SNTB2: variants seen among roughly 807,000 people sequenced by gnomAD.
The protein encoded by SNTB2 is syntrophin beta 2, also known as beta-2-syntrophin.
A neutral mutation model predicts 46.2 loss-of-function variants in SNTB2; 34 were observed. That is an observed-to-expected ratio of 0.74 (90% CI 0.56 to 0.98). SNTB2 has a LOEUF of 0.98. SNTB2 is among the 50% of genes least tolerant of loss of function. The pLI, the probability that SNTB2 is intolerant of heterozygous loss-of-function variation, is 0.00. For synonymous variants in SNTB2, 290 were observed against 312.6 expected, an observed-to-expected ratio of 0.93 and a Z score of 0.76; for missense variants, 603 against 731.4, an observed-to-expected ratio of 0.82 and a Z score of 2.02.
intron 1 of SNTB2, among the ~76,000 whole-genome samples, chr16:69,205,225 C>G (rs1425944988): frequency 2.0e-5 from 3 of 150,668 alleles, no homozygotes; most frequent in Non-Finnish European, 2.9e-5. Flanking sequence ...TCTCAGCTTA[C>G]TGCAACCACC....
chr16:69,203,608 G>A, intron 1 of SNTB2, among the ~76,000 whole-genome samples: 1 of 151,960 alleles, frequency 6.6e-6, no homozygotes, highest in Admixed American at 6.6e-5. Flanking sequence ...CCAAAGTGCT[G>A]GGATTACAGA....
At chr16:69,267,331 C>T (rs1416920467) in intron 3 of SNTB2, among the ~76,000 whole-genome samples, 1 of 152,168 alleles carries the variant, frequency 6.6e-6, no homozygotes, top group Non-Finnish European at 1.5e-5. Context: ...ATCAGTTTAT[C>T]ATTTTAACCC....
At chr16:69,214,566 G>A (rs971142824) in intron 1 of SNTB2, among the ~76,000 whole-genome samples, 6 of 151,718 alleles carry the variant, frequency 4.0e-5, no homozygotes, top group South Asian at 2.1e-4. Context: ...TCGCTCTGTC[G>A]CCCAGGCTGG....
In SNTB2 at chr16:69,302,732, G is replaced by A. The variant is rs1385428430; in HGVS notation, c.*1808G>A. ...GGGAGAGATGCCTGTTCTTCCCCCAGCTTCATATAATTGTCAAAGTTCCAA... is the reference window on the plus strand; with the variant it reads ...GGGAGAGATGCCTGTTCTTCCCCCAACTTCATATAATTGTCAAAGTTCCAA... On this transcript the variant is annotated 3_prime_UTR_variant, in exon 7 of 7. Transcript: ENST00000336278. The A allele has an allele frequency of 3.9e-5, 6 of 152,144 alleles. No homozygotes were observed. The highest frequency in any genetic ancestry group is 6.5e-5 in the Admixed American group (1 of 15,280). 9.4% of individuals were successfully genotyped at this position (152,144 alleles called of 1,614,324 possible). A position where few individuals can be genotyped will look rare whatever the true frequency, so the allele number is the denominator to read the frequency against.
At chr16:69,197,459 G>C (rs920684969) in intron 1 of SNTB2, among the ~76,000 whole-genome samples, 3 of 152,136 alleles carry the variant, frequency 2.0e-5, no homozygotes. Context: ...TTTAAAAATA[G>C]TTTAAATATT....
chr16:69,263,385 C>T (rs895551985), intron 3 of SNTB2, among the ~76,000 whole-genome samples: 1 of 151,768 alleles, frequency 6.6e-6, no homozygotes, highest in African/African-American at 2.4e-5. Context: ...GCTGGGATTA[C>T]AGGCATGAGC....
intron 5 of SNTB2, among the ~76,000 whole-genome samples, chr16:69,294,818 A>AT (rs779924377): frequency 0.019 from 2,655 of 140,024 alleles, 79 homozygotes; most frequent in African/African-American, 0.06. Context: ...GTAGTTTTTG[A>AT]TTTTTTTTTT....
intron 1 of SNTB2, among the ~76,000 whole-genome samples, chr16:69,232,585 C>T (rs1235561786): frequency 1.0e-4 from 14 of 137,740 alleles, no homozygotes; most frequent in South Asian, 4.8e-4. Flanking sequence ...CATCTTGGCT[C>T]GTTGCAACCT....
At chr16:69,292,717 T>C (rs1965185639) in intron 5 of SNTB2, among the ~76,000 whole-genome samples, 1 of 150,792 alleles carries the variant, frequency 6.6e-6, no homozygotes, top group African/African-American at 2.4e-5. Context: ...CCTCCCAAAG[T>C]GCTGGGATTA....
At chr16:69,295,858 C>T (rs1965218212) in intron 5 of SNTB2, among the ~76,000 whole-genome samples, 1 of 152,160 alleles carries the variant, frequency 6.6e-6, no homozygotes, top group Non-Finnish European at 1.5e-5. Context: ...GGCACTTAAT[C>T]ATCATTGCAT....
chr16:69,221,857 T>C (rs1964408508), intron 1 of SNTB2, among the ~76,000 whole-genome samples: 1 of 152,208 alleles, frequency 6.6e-6, no homozygotes, highest in African/African-American at 2.4e-5. Flanking sequence ...ATTCAGATCT[T>C]GGTTAATACC....
At chr16:69,226,153 C>A (rs1054208475) in intron 1 of SNTB2, among the ~76,000 whole-genome samples, 1 of 152,092 alleles carries the variant, frequency 6.6e-6, no homozygotes, top group Non-Finnish European at 1.5e-5. Flanking sequence ...CTCACTGCAA[C>A]CTCTGCTTCC....
rs199841622 is a variant in SNTB2 at position 69,284,167 on chromosome 16, G to A, written c.1268G>A (p.Arg423Gln). The A allele has an allele frequency of 5.5e-5, 88 of 1,613,992 alleles. No homozygotes were observed. The highest frequency in any genetic ancestry group is 1.6e-4 in the Middle Eastern group (1 of 6,062). The change falls in exon 5 of 7, where the codon CGG becomes CAG. Residue 423 changes from arginine to glutamine, a missense_variant. Arg to Gln is a conservative substitution (Grantham distance 43). Transcript: ENST00000336278. ...EMHLFRVETH[R>Q]DLSSWTRILV... ...CATCTCTTCAGGGTGGAGACACATC[G>A]GGATCTGTCATCCTGGACCAGGATA...
At chr16:69,192,356 C>T (rs562514340) in intron 1 of SNTB2, among the ~76,000 whole-genome samples, 1 of 152,162 alleles carries the variant, frequency 6.6e-6, no homozygotes, top group Non-Finnish European at 1.5e-5. Flanking sequence ...ACTGCCTGTG[C>T]ATCCAAAAAT....
intron 1 of SNTB2, among the ~76,000 whole-genome samples, chr16:69,212,991 C>T (rs1382663577): frequency 2.6e-5 from 4 of 152,158 alleles, no homozygotes; most frequent in African/African-American, 4.8e-5. Flanking sequence ...GCTTAATATA[C>T]TGAGTCATAA....
rs1323235305 is a variant in SNTB2 at position 69,273,626 on chromosome 16, T to C, written c.1148+3341T>C. Reference sequence around the variant, plus strand: ...ATGATGACAGTCTGCTAAAATTGAATGTGGTGATGGTTGCAAAATTCTGAA... The same window carrying C: ...ATGATGACAGTCTGCTAAAATTGAACGTGGTGATGGTTGCAAAATTCTGAA... On this transcript the variant is annotated intron_variant, in intron 4 of 6. Transcript: ENST00000336278. Among the ~76,000 whole-genome samples the C allele has an allele frequency of 2.6e-5, 4 of 152,158 alleles. No homozygotes were observed. The East Asian group carries it at 7.7e-4, about 29-fold the overall frequency.
At chr16:69,295,839 G>A (rs781150526) in intron 5 of SNTB2, among the ~76,000 whole-genome samples, 1 of 152,114 alleles carries the variant, frequency 6.6e-6, no homozygotes, top group Non-Finnish European at 1.5e-5. Context: ...AAAAGGGTAA[G>A]GGGTGTCAGG....
At chr16:69,287,223 C>T (rs954885318) in intron 5 of SNTB2, among the ~76,000 whole-genome samples, 13 of 150,786 alleles carry the variant, frequency 8.6e-5, no homozygotes, top group African/African-American at 2.9e-4. Context: ...AAATTTTTTT[C>T]TTTTTTTTTA....
rs1193788342 is a variant in SNTB2, at chr16:69,187,285, T to A, written c.119T>A (p.Val40Glu). The change falls in exon 1 of 7, where the codon GTG (valine) becomes GAG (glutamate). Residue 40 changes from valine (V) to glutamate (E), a missense_variant. Physicochemically the swap from Val to Glu is moderately radical, Grantham distance 121. This residue lies in a region of SNTB2 where 537 missense variants were observed against 692.4 expected (regional missense o/e 0.78). Transcript: ENST00000336278. The part of the protein sequence containing the change: ...LLLRERWVRV[V>E]AELSGESLSL... ...CTGAGGGAGCGCTGGGTCCGAGTGG[T>A]GGCCGAGCTGAGCGGGGAGAGCCTG... The A allele has an allele frequency of 6.7e-7, 1 of 1,490,152 alleles. No individual in the cohort carries two copies. The highest frequency in any genetic ancestry group is 2.8e-5 in the East Asian group (1 of 35,716). 92.3% of individuals were successfully genotyped at this position (1,490,152 alleles called of 1,614,324 possible). A position where few individuals can be genotyped will look rare whatever the true frequency, so the allele number is the denominator to read the frequency against.
Sources: gnomAD v4.1 joint callset for allele counts (sites outside exome capture counted in the v4.1 genomes callset) on GRCh38, gnomAD v4.1.1 for gene constraint, gnomAD v4.1.1 regional missense constraint, MANE v1.5 for transcripts, NCBI Gene and HGNC (gene_info 2026-07-23, HGNC 2026-07-21) for gene names.